Variants in SH3RF3 observed in about 807,000 individuals in gnomAD.
SH3RF3 encodes SH3 domain containing ring finger 3.
SH3RF3 carries 29 observed loss-of-function variants against 66.3 expected under a neutral mutation model. The observed-to-expected ratio is 0.44, with a 90% CI of 0.33 to 0.60. SH3RF3 has a LOEUF of 0.60. Ranked by LOEUF, SH3RF3 falls within the 20% of genes least tolerant of loss-of-function variation. The pLI, the probability that SH3RF3 is intolerant of heterozygous loss-of-function variation, is 0.04. For missense variants in SH3RF3, 1,194 were observed against 1,190.9 expected (o/e 1.00, Z -0.04); for synonymous variants, 583 against 532.0 (o/e 1.10, Z -1.32).
intron 1 of SH3RF3, among the ~76,000 whole-genome samples, chr2:109,253,434 G>A (rs535102793): frequency 2.6e-5 from 4 of 152,314 alleles, no homozygotes; most frequent in Non-Finnish European, 5.9e-5. Flanking sequence ...GGACGTGGGC[G>A]CTGCTTTCCG....
chr2:109,364,788 C>T, intron 2 of SH3RF3, among the ~76,000 whole-genome samples: 1 of 152,154 alleles, frequency 6.6e-6, no homozygotes, highest in East Asian at 1.9e-4. Context: ...GTAGGTAAGG[C>T]TCTCATAAAA....
intron 1 of SH3RF3, among the ~76,000 whole-genome samples, chr2:109,279,600 C>T (rs1004082120): frequency 3.9e-5 from 6 of 152,188 alleles, no homozygotes; most frequent in Non-Finnish European, 7.4e-5. Flanking sequence ...TTCAAGGAAA[C>T]GGGATACCTT....
At chr2:109,366,957 A>G (rs144368343) in intron 2 of SH3RF3, among the ~76,000 whole-genome samples, 1 of 152,150 alleles carries the variant, frequency 6.6e-6, no homozygotes, top group East Asian at 1.9e-4. Context: ...TTTTGAATTT[A>G]TTTTATTTTA....
chr2:109,490,679 T>C lies in SH3RF3; in HGVS notation c.2223T>C (p.Ser741=). The change falls in exon 9 of 10, where the codon TCT becomes TCC. Residue 741 remains serine (S), a synonymous_variant. Transcript: ENST00000309415. ...AGAAGAAGTCACGCTCCCCGCCATC[T>C]GTGTCTCCAACCCACGACCCCCAGG... is the stretch of plus-strand genomic sequence containing the variant. ...STKKKSRSPP[S]VSPTHDPQVA... 1.3e-6 allele frequency: 2 copies of C among 1,522,868 alleles called. No homozygotes were observed. The highest frequency in any genetic ancestry group is 1.8e-6 in the Non-Finnish European group (2 of 1,136,484). The allele number at this position is 1,522,868 out of a possible 1,614,324, so 94.3% of individuals were successfully genotyped here. A position where few individuals can be genotyped will look rare whatever the true frequency, so the allele number is the denominator to read the frequency against.
chr2:109,129,274 C>T lies in SH3RF3; in HGVS notation c.-267C>T, dbSNP rs2104786617. On this transcript the variant is annotated 5_prime_UTR_variant, in exon 1 of 10. Coordinates refer to ENST00000309415, the MANE Select transcript of SH3RF3 (RefSeq NM_001099289.3). ...CGCGCGGGGCGGACTTGCGGCGGGA[C>T]AGGTGTAGCCCGCAGCCGCAGGCGC... 6.5e-6 allele frequency: 4 copies of T among 617,254 alleles called. No homozygotes were observed. Among genetic ancestry groups the T allele is most frequent in the East Asian group, 3.8e-5 (1 of 26,384 alleles). 38.2% of individuals were successfully genotyped at this position (617,254 alleles called of 1,614,324 possible).
chr2:109,222,531 A>G (rs1387406102), intron 1 of SH3RF3, among the ~76,000 whole-genome samples: 1 of 152,060 alleles, frequency 6.6e-6, no homozygotes, highest in Admixed American at 6.5e-5. Flanking sequence ...GAGGGAGTGC[A>G]TTGTTGGAGG....
chr2:109,129,631 CGGCGGCGTCG>C lies in SH3RF3; in HGVS notation c.99_108del (p.Arg34ProfsTer233), dbSNP rs1279305648. 6.7e-7 allele frequency: 1 copy of C among 1,492,618 alleles called. No homozygotes were observed. Among genetic ancestry groups the C allele is most frequent in the African/African-American group, 1.5e-5 (1 of 68,576 alleles). 92.5% of individuals were successfully genotyped at this position (1,492,618 alleles called of 1,614,324 possible). On this transcript the variant is annotated frameshift_variant, in exon 1 of 10. Coordinates refer to ENST00000309415, the MANE Select transcript of SH3RF3 (RefSeq NM_001099289.3). LOFTEE classifies it high-confidence loss of function. ...CGACGAGGACAGGCCAGGCGAGCGA[CGGCGGCGTCG>C]GGCGGCGGCCACCGCCGCGGGGGCG...
rs929084844 is a variant in SH3RF3, at chr2:109,502,071, G to A, written c.*400G>A. ...GGTGGGTGGCATGGGGGCCAGGAGC[G>A]CTGGAGATCATCTTTCTGGGCTGCC... On this transcript the variant is annotated 3_prime_UTR_variant, in exon 10 of 10. Transcript: ENST00000309415. 21 of 191,474 alleles carry A rather than the reference G, an allele frequency of 1.1e-4. No individual in the cohort carries two copies. The highest frequency in any genetic ancestry group is 3.2e-4 in the Admixed American group (6 of 18,966). The allele number at this position is 191,474 out of a possible 1,614,324, so 11.9% of individuals were successfully genotyped here. A position where few individuals can be genotyped will look rare whatever the true frequency, so the allele number is the denominator to read the frequency against.
intron 1 of SH3RF3, among the ~76,000 whole-genome samples, chr2:109,315,321 T>A (rs11898016): frequency 0.3 from 46,304 of 151,834 alleles, 8,570 homozygotes; most frequent in African/African-American, 0.52. Context: ...CAACTTGGAG[T>A]TCTTAACTAA....
At chr2:109,493,294 C>G (rs993795955) in intron 9 of SH3RF3, among the ~76,000 whole-genome samples, 1 of 123,182 alleles carries the variant, frequency 8.1e-6, no homozygotes, top group Non-Finnish European at 1.8e-5. Context: ...GAAACACACA[C>G]CATGCACACC....
chr2:109,406,868 C>T (rs914495710), intron 4 of SH3RF3, among the ~76,000 whole-genome samples: 2 of 151,264 alleles, frequency 1.3e-5, no homozygotes, highest in African/African-American at 2.5e-5. Context: ...CTTACAGCCC[C>T]GCCCTGTTGA....
intron 8 of SH3RF3, among the ~76,000 whole-genome samples, chr2:109,473,375 G>T (rs1375251920): frequency 1.3e-5 from 2 of 152,166 alleles, no homozygotes; most frequent in African/African-American, 4.8e-5. Flanking sequence ...TCAGAATAGG[G>T]CGTGCTCTGA....
intron 1 of SH3RF3, among the ~76,000 whole-genome samples, chr2:109,257,375 G>A (rs1209715380): frequency 6.6e-6 from 1 of 151,588 alleles, no homozygotes; most frequent in Non-Finnish European, 1.5e-5. Context: ...GGAGAGGGAG[G>A]GAGGGAGAGG....
intron 1 of SH3RF3, among the ~76,000 whole-genome samples, chr2:109,166,992 A>G (rs893754567): frequency 6.6e-5 from 10 of 152,320 alleles, no homozygotes; most frequent in African/African-American, 1.7e-4. Context: ...CCAGCAAGCT[A>G]AGTAGCTTGA....
chr2:109,413,109 C>T (rs1282522753), intron 4 of SH3RF3, among the ~76,000 whole-genome samples: 4 of 152,144 alleles, frequency 2.6e-5, no homozygotes, highest in Admixed American at 1.3e-4. Context: ...GTCTGATTAT[C>T]ATTATTTTAT....
At chr2:109,302,967 C>T (rs1465616626) in intron 1 of SH3RF3, among the ~76,000 whole-genome samples, 2 of 152,116 alleles carry the variant, frequency 1.3e-5, no homozygotes, top group African/African-American at 4.8e-5. Flanking sequence ...ACCTCTGCCT[C>T]CCAGGTTCAA....
intron 1 of SH3RF3, among the ~76,000 whole-genome samples, chr2:109,131,916 A>G (rs1038018117): frequency 6.6e-6 from 1 of 152,216 alleles, no homozygotes; most frequent in African/African-American, 2.4e-5. Context: ...TATTCACACT[A>G]CACTAGCACT....
Position 109,451,529 on chromosome 2 carries a change from T to C in SH3RF3, c.2148+2040T>C, listed in dbSNP as rs374298202. ...AATACCATTGCTGAGTGGGTTTCTA[T>C]GACATTACGTCCTGTACGAATCTAC... is the stretch of plus-strand genomic sequence containing the variant. On this transcript the variant is annotated intron_variant, in intron 8 of 9. Coordinates refer to ENST00000309415, the MANE Select transcript of SH3RF3 (RefSeq NM_001099289.3). Among the ~76,000 whole-genome samples the C allele has an allele frequency of 2.0e-4, 30 of 151,450 alleles. No homozygotes were observed. In the East Asian group the frequency reaches 5.7e-3, roughly 29 times the overall value.
At chr2:109,306,709 G>A (rs1391736442) in intron 1 of SH3RF3, among the ~76,000 whole-genome samples, 2 of 152,328 alleles carry the variant, frequency 1.3e-5, no homozygotes, top group East Asian at 3.9e-4. Flanking sequence ...ACTCCAACCT[G>A]GATGGCAGAA....
Sources: gnomAD v4.1 joint callset for allele counts (sites outside exome capture counted in the v4.1 genomes callset) on GRCh38, gnomAD v4.1.1 for gene constraint, MANE v1.5 for transcripts, NCBI Gene and HGNC (gene_info 2026-07-23, HGNC 2026-07-21) for gene names.